The following FAM72A variants were observed in gnomAD, a reference collection of about 807,000 sequenced individuals.
FAM72A encodes regulator of UNG2 and MKLN1 interacting yippee protein 1, also known as protein FAM72A.
A neutral mutation model predicts 11.3 loss-of-function variants in FAM72A; 1 was observed. That is an observed-to-expected ratio of 0.09 (90% CI 0.03 to 0.42). FAM72A has a LOEUF of 0.42. Among genes scored for constraint, FAM72A ranks in the 10% least tolerant of loss-of-function variants. FAM72A has a pLI of 0.98. For missense variants in FAM72A, 15 were observed against 135.5 expected, an observed-to-expected ratio of 0.11 and a Z score of 4.41; for synonymous variants, 5 against 46.9, an observed-to-expected ratio of 0.11 and a Z score of 3.65.
intron 2 of FAM72A, among the ~76,000 whole-genome samples, chr1:206,198,251 C>T (rs1461257478): frequency 4.0e-5 from 6 of 148,436 alleles, no homozygotes; most frequent in African/African-American, 1.5e-4. Context: ...GTAGTCTCAG[C>T]TACTCAGGAG....
At chr1:206,196,541 C>A in intron 2 of FAM72A, among the ~76,000 whole-genome samples, 1 of 108,784 alleles carries the variant, frequency 9.2e-6, no homozygotes, top group South Asian at 3.6e-4. Context: ...TATCCCAGGA[C>A]TGTGGCAAGT....
chr1:206,203,765 GC>G (rs1553299994), upstream of FAM72A: 1 of 1,486,722 alleles, frequency 6.7e-7, no homozygotes, highest in African/African-American at 1.4e-5. Context: ...TCGCGGCATC[GC>G]CTTAGCGGTG....
At chr1:206,196,849 T>C (rs1340873963) in intron 2 of FAM72A, among the ~76,000 whole-genome samples, 2 of 151,252 alleles carry the variant, frequency 1.3e-5, no homozygotes, top group African/African-American at 4.9e-5. Context: ...CTACAGGGAA[T>C]GTTTTAGCTA....
intron 3 of FAM72A, among the ~76,000 whole-genome samples, chr1:206,194,394 T>C (rs1251363017): frequency 6.6e-6 from 1 of 152,124 alleles, no homozygotes; most frequent in Non-Finnish European, 1.5e-5. Flanking sequence ...GGATTTAGAA[T>C]ATTACATAAA....
upstream of FAM72A, chr1:206,204,849 T>G (rs1665743133): frequency 7.5e-6 from 1 of 133,264 alleles, no homozygotes; most frequent in South Asian, 2.6e-4. Context: ...CTGCTTCAGC[T>G]GACCACATTG....
chr1:206,204,233 A>T, upstream of FAM72A: 1 of 477,596 alleles, frequency 2.1e-6, no homozygotes, highest in South Asian at 2.2e-5. Context: ...GCCCATGATC[A>T]TGCCCCAATT....
rs547653515 is a variant in FAM72A at position 206,196,170 on chromosome 1, G to A, written c.231-294C>T. ...CCAGGCTGGAGTGCCTGCAACCTCCGCCTCCCAGGTTCAAGTGATTCTCCT... is the reference window on the plus strand; with the variant it reads ...CCAGGCTGGAGTGCCTGCAACCTCCACCTCCCAGGTTCAAGTGATTCTCCT... On this transcript the variant is annotated intron_variant, in intron 2 of 3. Transcript: ENST00000367128. Among the ~76,000 whole-genome samples, 423 of 132,478 alleles carry A rather than the reference G, an allele frequency of 3.2e-3. 3 individuals are homozygous for A. Among genetic ancestry groups the A allele is most frequent in the Non-Finnish European group, 5.0e-3 (310 of 61,572 alleles). 86.9% of individuals were successfully genotyped at this position (132,478 alleles called of 152,430 possible).
chr1:206,193,225 T>C (rs1177359970), intron 3 of FAM72A, among the ~76,000 whole-genome samples: 2 of 150,110 alleles, frequency 1.3e-5, no homozygotes, highest in Non-Finnish European at 3.0e-5. Flanking sequence ...TTATTCCTTT[T>C]TTTTTTTCAG....
intron 3 of FAM72A, among the ~76,000 whole-genome samples, chr1:206,189,183 T>C (rs1553297262): frequency 6.6e-6 from 1 of 152,156 alleles, no homozygotes; most frequent in East Asian, 1.9e-4. Context: ...ATTTTGTGAA[T>C]TTTTAAAAAT....
chr1:206,203,599 C>T (rs1490777625), upstream of FAM72A: 5 of 596,134 alleles, frequency 8.4e-6, no homozygotes, highest in African/African-American at 1.9e-5. Context: ...GGGAGGAGAG[C>T]TCTGAGTGGG....
chr1:206,195,652 TAAG>T, intron 3 of FAM72A, 97 bp downstream of exon 3: 1 of 1,137,298 alleles, frequency 8.8e-7, no homozygotes, highest in South Asian at 1.4e-5. Flanking sequence ...CTAATCCAGC[TAAG>T]AAGATCTAAA....
At chr1:206,193,221 C>CTT (rs1300128110) in intron 3 of FAM72A, among the ~76,000 whole-genome samples, 2 of 143,596 alleles carry the variant, frequency 1.4e-5, no homozygotes, top group East Asian at 2.0e-4. Flanking sequence ...CCTCTTATTC[C>CTT]TTTTTTTTTT....
chr1:206,198,517 A>G (rs1316669811), intron 2 of FAM72A, among the ~76,000 whole-genome samples: 1 of 145,738 alleles, frequency 6.9e-6, no homozygotes, highest in East Asian at 2.0e-4. Context: ...CAAATAGCAC[A>G]TAAGAAGAGC....
At chr1:206,191,612 C>CAAAAAAA (rs541222246) in intron 3 of FAM72A, among the ~76,000 whole-genome samples, 1 of 85,454 alleles carries the variant, frequency 1.2e-5, no homozygotes, top group Non-Finnish European at 2.4e-5. Flanking sequence ...AACTCTGTCT[C>CAAAAAAA]AAAAAAAAAA....
At chr1:206,205,225 A>G (rs1176808863), upstream of FAM72A, 3 of 151,224 alleles carry the variant, frequency 2.0e-5, no homozygotes, top group Middle Eastern at 3.2e-3. Flanking sequence ...CGGCTGCTCC[A>G]AAGTGTTTTC....
At chr1:206,194,709 A>G (rs374808153) in intron 3 of FAM72A, among the ~76,000 whole-genome samples, 3,834 of 151,540 alleles carry the variant, frequency 0.025, 59 homozygotes, top group South Asian at 0.076. Flanking sequence ...GTTTTTAGCA[A>G]TAAAGCATTT....
upstream of FAM72A, chr1:206,203,482 G>A (rs1665509508): frequency 2.3e-6 from 1 of 427,940 alleles, no homozygotes; most frequent in Middle Eastern, 6.0e-4. Flanking sequence ...GGCGGTGATT[G>A]GTAAAGGGGT....
At chr1:206,205,261 C>A (rs1665810008), upstream of FAM72A, 1 of 147,962 alleles carries the variant, frequency 6.8e-6, no homozygotes, top group African/African-American at 2.5e-5. Flanking sequence ...CCGGAGGGAG[C>A]TTCCTTCCTC....
In FAM72A at chr1:206,187,411, T is replaced by C. The variant is rs1553297023; in HGVS notation, c.356-38A>G. 4 of 1,606,246 alleles carry C rather than the reference T, an allele frequency of 2.5e-6. No homozygotes were observed. The Admixed American group carries it at 6.7e-5, about 27-fold the overall frequency. ...AGTCATAAAATTCTTTAATGCTTAC[T>C]ACTGTTATAACTCAGAACACGAATT... On this transcript the variant is annotated intron_variant, in intron 3 of 3. Coordinates refer to ENST00000367128, the MANE Select transcript of FAM72A (RefSeq NM_001123168.3).
Sources: allele counts gnomAD v4.1 joint callset (sites outside exome capture counted in the v4.1 genomes callset), GRCh38; gene constraint gnomAD v4.1.1; transcripts MANE v1.5; gene names NCBI Gene and HGNC (gene_info 2026-07-23, HGNC 2026-07-21).